The following ACO2 variants were observed in gnomAD, a reference collection of about 807,000 sequenced individuals.
ACO2 encodes the protein aconitase 2.
Under a neutral mutation model 84.5 loss-of-function variants are expected in ACO2, and 31 were observed. The observed-to-expected ratio is 0.37, with a 90% CI of 0.28 to 0.50. The LOEUF is 0.50. Among genes scored for constraint, ACO2 ranks in the 20% least tolerant of loss-of-function variants. ACO2 has a pLI of 0.97. For synonymous variants in ACO2, 414 were observed against 412.7 expected (o/e 1.00, Z -0.04); for missense variants, 685 against 1,029.3 (o/e 0.67, Z 4.58).
chr22:41,487,089 G>A (rs763810778), intron 1 of ACO2, among the ~76,000 whole-genome samples: 18 of 151,954 alleles, frequency 1.2e-4, no homozygotes, highest in Non-Finnish European at 2.5e-4. Flanking sequence ...TCACCATGTT[G>A]ACCAGGCTGG....
intron 7 of ACO2, 124 bp downstream of exon 7, chr22:41,517,755 G>A (rs918837646): frequency 1.5e-5 from 12 of 796,958 alleles, no homozygotes; most frequent in East Asian, 5.4e-5. Flanking sequence ...ACAGGCGTCC[G>A]AGGCTCTGAG....
At chr22:41,477,329 A>T (rs976299242) in intron 1 of ACO2, among the ~76,000 whole-genome samples, 1 of 140,154 alleles carries the variant, frequency 7.1e-6, no homozygotes, top group East Asian at 2.1e-4. Flanking sequence ...AATTTTTTGT[A>T]TTTTTTTTTT....
At chr22:41,471,467 A>G (rs553285201) in intron 1 of ACO2, among the ~76,000 whole-genome samples, 3 of 152,200 alleles carry the variant, frequency 2.0e-5, no homozygotes, top group Admixed American at 6.5e-5. Flanking sequence ...ATAGTCATGT[A>G]TGCAAAACCC....
intron 17 of ACO2, 105 bp downstream of exon 17, chr22:41,528,127 G>A: frequency 2.6e-6 from 4 of 1,515,618 alleles, no homozygotes; most frequent in Non-Finnish European, 3.6e-6. Context: ...CTTCATTCCA[G>A]CTGGAAAGGC....
In ACO2 at chr22:41,475,630, C is replaced by T. The variant is rs988422510; in HGVS notation, c.36+6448C>T. 2.0e-5 allele frequency among the ~76,000 whole-genome samples: 3 copies of T among 152,096 alleles called. No individual in the cohort carries two copies. The East Asian group carries it at 5.8e-4, about 29-fold the overall frequency. On this transcript the variant is annotated intron_variant, in intron 1 of 17. Transcript: ENST00000216254. ...AGCAAATGGGCCGGACGTGGTGGCT[C>T]ACGCCTGTAATCCCAGCACTTTGGG...
Position 41,525,417 on chromosome 22 carries a change from G to A in ACO2, c.1761+69G>A. 1.9e-6 allele frequency: 3 copies of A among 1,584,850 alleles called. No individual in the cohort carries two copies. The South Asian group carries it at 3.4e-5, about 18-fold the overall frequency. ...CCCCCCGTCCCCTGAGCATCGGGAA[G>A]GGCCATGAACCTGGAGGAAGTGAGC... On this transcript the variant is annotated intron_variant, in intron 14 of 17. Coordinates refer to ENST00000216254, the MANE Select transcript of ACO2 (RefSeq NM_001098.3).
chr22:41,512,003 C>T, intron 4 of ACO2, 35 bp downstream of exon 4: 1 of 1,559,740 alleles, frequency 6.4e-7, no homozygotes, highest in Non-Finnish European at 8.7e-7. Flanking sequence ...CCCAAGGGCC[C>T]AAGCCAGAGA....
rs2066597487 is a variant in ACO2, at chr22:41,526,421, G to A, written c.1921G>A (p.Gly641Ser). The A allele has an allele frequency of 6.2e-7, 1 of 1,613,680 alleles. No homozygotes were observed. Among genetic ancestry groups the A allele is most frequent in the Non-Finnish European group, 8.5e-7 (1 of 1,179,856 alleles). Residue 641 changes from glycine (G) to serine (S), a missense_variant, in exon 15 of 18, where the codon GGC becomes AGC. Gly to Ser is a moderately conservative substitution (Grantham distance 56, BLOSUM62 0). Coordinates refer to ENST00000216254, the MANE Select transcript of ACO2 (RefSeq NM_001098.3). ...SVRNAVTQEF[G>S]PVPDTARYYK... Reference sequence around the variant, plus strand: ...GCGCAATGCCGTCACTCAGGAGTTTGGCCCCGTCCCTGACACTGCCCGCTA... The same window carrying A: ...GCGCAATGCCGTCACTCAGGAGTTTAGCCCCGTCCCTGACACTGCCCGCTA...
chr22:41,489,699 C>T (rs937614380), intron 1 of ACO2, among the ~76,000 whole-genome samples: 6 of 150,484 alleles, frequency 4.0e-5, no homozygotes, highest in South Asian at 2.1e-4. Context: ...TAGGTGAGGC[C>T]GTGTCACCAG....
At chr22:41,484,225 G>C (rs915384772) in intron 1 of ACO2, among the ~76,000 whole-genome samples, 2 of 152,164 alleles carry the variant, frequency 1.3e-5, no homozygotes, top group African/African-American at 4.8e-5. Flanking sequence ...ATAAAGATTA[G>C]TATTATCAGG....
At chr22:41,470,141 C>T (rs1319291090) in intron 1 of ACO2, among the ~76,000 whole-genome samples, 2 of 152,166 alleles carry the variant, frequency 1.3e-5, no homozygotes, top group Non-Finnish European at 2.9e-5. Context: ...GATTTTTTCA[C>T]TTCTAACTTG....
At position 41,503,736 on chromosome 22, in the gene ACO2, C is replaced by G. The variant is rs915553599; in HGVS notation, c.173+3874C>G. On this transcript the variant is annotated intron_variant, in intron 2 of 17. Transcript: ENST00000216254. ...GATGTCTAGAGATATTTTTGGTTGT[C>G]ATAACTTGGCTGGGGTTGGGGCTTA... is the stretch of plus-strand genomic sequence containing the variant. Among the ~76,000 whole-genome samples, 20 of 152,088 alleles carry G rather than the reference C, an allele frequency of 1.3e-4. 1 individual carries two copies. The highest frequency in any genetic ancestry group is 1.2e-4 in the Non-Finnish European group (8 of 68,032).
intron 15 of ACO2, chr22:41,527,024 C>T (rs752157348): frequency 1.8e-6 from 1 of 553,748 alleles, no homozygotes; most frequent in East Asian, 3.1e-5. Flanking sequence ...ACACCTGCCT[C>T]TGCCAAGCAC....
rs143076023 is a variant in ACO2 at position 41,520,423 on chromosome 22, C to T, written c.1138+147C>T. ...GTTTATTATTGAAAAATTACTTTTT[C>T]GGCCAGAAGTGGTGGCTCATGCTTG... On this transcript the variant is annotated intron_variant, in intron 9 of 17. Coordinates refer to ENST00000216254, the MANE Select transcript of ACO2 (RefSeq NM_001098.3). The T allele has an allele frequency of 1.3e-3, 736 of 576,720 alleles. 1 individual carries two copies. The highest frequency in any genetic ancestry group is 1.8e-3 in the Non-Finnish European group (601 of 341,828). 35.7% of individuals were successfully genotyped at this position (576,720 alleles called of 1,614,324 possible). A position where few individuals can be genotyped will look rare whatever the true frequency, so the allele number is the denominator to read the frequency against.
intron 2 of ACO2, among the ~76,000 whole-genome samples, chr22:41,507,425 G>A (rs915145564): frequency 6.6e-6 from 1 of 152,112 alleles, no homozygotes; most frequent in African/African-American, 2.4e-5. Flanking sequence ...TTTCTTGGTT[G>A]TTGTTGTTGT....
chr22:41,526,552 AGGCCGAC>A (rs2146145367), intron 15 of ACO2, 99 bp downstream of exon 15: 1 of 1,363,696 alleles, frequency 7.3e-7, no homozygotes, highest in South Asian at 1.4e-5. Flanking sequence ...ACTGGGAAGG[AGGCCGAC>A]CAAGCCCAAA....
chr22:41,502,499 C>CGCTTCCA (rs779612606), intron 2 of ACO2, among the ~76,000 whole-genome samples: 1 of 152,198 alleles, frequency 6.6e-6, no homozygotes, highest in Non-Finnish European at 1.5e-5. Flanking sequence ...AGCTCTCACA[C>CGCTTCCA]CGCTGCTCAG....
At chr22:41,514,137 T>A (rs2066458055) in intron 4 of ACO2, among the ~76,000 whole-genome samples, 1 of 152,114 alleles carries the variant, frequency 6.6e-6, no homozygotes, top group East Asian at 1.9e-4. Context: ...CCTTTGGACC[T>A]TAGAGTCTGC....
Position 41,524,888 on chromosome 22 carries a change from C to A in ACO2, c.1525C>A (p.Pro509Thr). Residue 509 changes from proline (P) to threonine (T), a missense_variant, in exon 13 of 18, where the codon CCA becomes ACA. Transcript: ENST00000216254. ...LAIAGTLKFNPETDYLTGTDG... is the reference protein window; with the variant it reads ...LAIAGTLKFNTETDYLTGTDG... ...CATTGCGGGAACCCTCAAGTTCAAC[C>A]CAGAGACCGACTACCTGACGGGCAC... 6.2e-7 allele frequency: 1 copy of A among 1,614,198 alleles called. No individual in the cohort carries two copies. Among genetic ancestry groups the A allele is most frequent in the Non-Finnish European group, 8.5e-7 (1 of 1,180,030 alleles).
Sources: allele counts gnomAD v4.1 joint callset (sites outside exome capture counted in the v4.1 genomes callset), GRCh38; gene constraint gnomAD v4.1.1; transcripts MANE v1.5; gene names NCBI Gene and HGNC (gene_info 2026-07-23, HGNC 2026-07-21).